The following GPC6 variants were observed in gnomAD, a reference collection of about 807,000 sequenced individuals.
The protein encoded by GPC6 is glypican 6, also known as glypican-6.
Under a neutral mutation model 55.2 loss-of-function variants are expected in GPC6, and 14 were observed. The observed-to-expected ratio is 0.25, with a 90% CI of 0.17 to 0.40. The LOEUF is 0.40. Ranked by LOEUF, GPC6 falls within the 10% of genes least tolerant of loss-of-function variation. GPC6 has a pLI of 1.00. For missense variants in GPC6, 641 were observed against 708.5 expected (o/e 0.90, Z 1.08); for synonymous variants, 278 against 259.6 (o/e 1.07, Z -0.68).
chr13:94,076,422 A>G (rs1884916875), intron 4 of GPC6, among the ~76,000 whole-genome samples: 1 of 151,888 alleles, frequency 6.6e-6, no homozygotes, highest in South Asian at 2.1e-4. Flanking sequence ...GTTTTCTCCC[A>G]TTATGTAGGT....
intron 2 of GPC6, among the ~76,000 whole-genome samples, chr13:93,730,601 A>C (rs1883788929): frequency 6.6e-6 from 1 of 152,166 alleles, no homozygotes; most frequent in African/African-American, 2.4e-5. Context: ...ATTTAACAAA[A>C]CATCTGATGG....
intron 1 of GPC6, among the ~76,000 whole-genome samples, chr13:93,331,623 T>C (rs1398426559): frequency 1.5e-5 from 2 of 135,106 alleles, no homozygotes; most frequent in South Asian, 2.4e-4. Context: ...TGAAACATTG[T>C]TTTTTCATCT....
chr13:94,014,692 A>G (rs1337332481), intron 3 of GPC6, among the ~76,000 whole-genome samples: 4 of 152,138 alleles, frequency 2.6e-5, no homozygotes, highest in South Asian at 4.1e-4. Flanking sequence ...ACCTGCTTCC[A>G]TCACTCCCTT....
intron 3 of GPC6, among the ~76,000 whole-genome samples, chr13:93,837,142 G>A (rs952450636): frequency 1.1e-4 from 16 of 152,160 alleles, no homozygotes; most frequent in Admixed American, 8.5e-4. Context: ...ATGAATTAAA[G>A]GCTATTTGTG....
At chr13:93,924,783 T>A (rs1301084308) in intron 3 of GPC6, among the ~76,000 whole-genome samples, 1 of 151,782 alleles carries the variant, frequency 6.6e-6, no homozygotes, top group African/African-American at 2.4e-5. Flanking sequence ...TTCTCAGATC[T>A]TGAGTCACAT....
chr13:93,283,441 C>A (rs990229238), intron 1 of GPC6, among the ~76,000 whole-genome samples: 5 of 152,150 alleles, frequency 3.3e-5, no homozygotes, highest in African/African-American at 1.2e-4. Context: ...ATCAGTAATT[C>A]ATTAGGGAGT....
chr13:93,615,921 C>A, intron 2 of GPC6, among the ~76,000 whole-genome samples: 1 of 152,248 alleles, frequency 6.6e-6, no homozygotes, highest in Non-Finnish European at 1.5e-5. Flanking sequence ...ATACTGCTCA[C>A]TCAGTAGTAA....
chr13:93,784,988 A>T (rs945942051), intron 2 of GPC6, among the ~76,000 whole-genome samples: 1 of 152,220 alleles, frequency 6.6e-6, no homozygotes, highest in Non-Finnish European at 1.5e-5. Context: ...AAAGAAGTTG[A>T]CAGGAATAAA....
chr13:93,854,131 G>A (rs1252533084), intron 3 of GPC6, among the ~76,000 whole-genome samples: 1 of 151,488 alleles, frequency 6.6e-6, no homozygotes. Context: ...ACCATAATCT[G>A]CCTACTCAGC....
chr13:93,812,248 G>T (rs1886719221), intron 2 of GPC6, among the ~76,000 whole-genome samples: 1 of 152,022 alleles, frequency 6.6e-6, no homozygotes, highest in Non-Finnish European at 1.5e-5. Flanking sequence ...AATTAGCTCG[G>T]TGTGGTGGCA....
chr13:94,080,849 G>A (rs1035497119), intron 4 of GPC6, among the ~76,000 whole-genome samples: 2 of 152,096 alleles, frequency 1.3e-5, no homozygotes, highest in African/African-American at 4.8e-5. Flanking sequence ...ATATTGGTGG[G>A]TCGAGCTTCA....
At chr13:93,409,898 A>G (rs1876432393) in intron 1 of GPC6, among the ~76,000 whole-genome samples, 1 of 152,180 alleles carries the variant, frequency 6.6e-6, no homozygotes, top group Non-Finnish European at 1.5e-5. Context: ...ACAAAATAAG[A>G]GTCATTTGTT....
chr13:93,680,070 G>T (rs894800897), intron 2 of GPC6, among the ~76,000 whole-genome samples: 3 of 152,134 alleles, frequency 2.0e-5, no homozygotes, highest in Admixed American at 1.3e-4. Context: ...CTTAAAATTT[G>T]TATGTTGAAG....
rs541367444 is a variant in GPC6 at position 94,072,501 on chromosome 13, G to A, written c.877+44607G>A. Among the ~76,000 whole-genome samples the A allele has an allele frequency of 7.3e-4, 111 of 152,196 alleles. 2 individuals carry two copies. Among genetic ancestry groups the A allele is most frequent in the Admixed American group, 6.4e-3 (98 of 15,290 alleles). The stretch of plus-strand genomic sequence containing the variant: ...GCCAAGTAGCTGGGACTACAGGCAC[G>A]TGCTGCCACGTCCGGCTAATTTTTG... On this transcript the variant is annotated intron_variant, in intron 4 of 8. Coordinates refer to ENST00000377047, the MANE Select transcript of GPC6 (RefSeq NM_005708.5).
intron 2 of GPC6, among the ~76,000 whole-genome samples, chr13:93,829,108 T>C (rs1460663813): frequency 6.6e-6 from 1 of 152,228 alleles, no homozygotes; most frequent in Non-Finnish European, 1.5e-5. Context: ...AAACGGGGAC[T>C]ATGAAGAGGT....
Position 93,747,911 on chromosome 13 carries a change from G to A in GPC6, c.320-82243G>A, listed in dbSNP as rs200877080. Among the ~76,000 whole-genome samples the A allele has an allele frequency of 3.3e-5, 5 of 152,296 alleles. No homozygotes were observed. The East Asian group carries it at 9.6e-4, about 29-fold the overall frequency. On this transcript the variant is annotated intron_variant, in intron 2 of 8. Transcript: ENST00000377047. ...GCCTTTCTTCTTTCCTAGACTGCGG[G>A]CCTTTCAGGGGAGGGTCTTATTCAC...
intron 3 of GPC6, among the ~76,000 whole-genome samples, chr13:93,897,161 C>A (rs148881202): frequency 6.6e-6 from 1 of 151,450 alleles, no homozygotes; most frequent in African/African-American, 2.4e-5. Context: ...TACCAGAGGC[C>A]GTGAAATGTG....
rs181645666 is a variant in GPC6, at chr13:93,399,673, G to A, written c.161-145590G>A. Among the ~76,000 whole-genome samples the A allele has an allele frequency of 7.1e-4, 108 of 152,294 alleles. 2 individuals are homozygous for A. The East Asian group carries it at 0.016, about 22-fold the overall frequency. ...CAGGAAGAATGAATTTCTTCCCTCG[G>A]TAAGTCCAGAGACTGTGCAACCACG... On this transcript the variant is annotated intron_variant, in intron 1 of 8. Coordinates refer to ENST00000377047, the MANE Select transcript of GPC6 (RefSeq NM_005708.5).
intron 3 of GPC6, among the ~76,000 whole-genome samples, chr13:94,020,038 T>C (rs1443324439): frequency 6.6e-6 from 1 of 152,134 alleles, no homozygotes; most frequent in Non-Finnish European, 1.5e-5. Context: ...CTAATCTTTA[T>C]TATTTCTTTT....
Sources: gnomAD v4.1 joint callset for allele counts (sites outside exome capture counted in the v4.1 genomes callset) on GRCh38, gnomAD v4.1.1 for gene constraint, MANE v1.5 for transcripts, NCBI Gene and HGNC (gene_info 2026-07-23, HGNC 2026-07-21) for gene names.